The following CDC20B variants were observed in gnomAD, a reference collection of about 807,000 sequenced individuals.
The protein encoded by CDC20B is cell division cycle protein 20 homolog B.
CDC20B carries 58 observed loss-of-function variants against 64.1 expected under a neutral mutation model. The observed-to-expected ratio is 0.90, with a 90% CI of 0.73 to 1.13. The LOEUF is 1.13. CDC20B is among the 50% of genes most tolerant of loss of function. The pLI is 0.00. For missense variants in CDC20B, 597 were observed against 633.0 expected (o/e 0.94, Z 0.61); for synonymous variants, 243 against 230.6 (o/e 1.05, Z -0.49).
In CDC20B at chr5:55,172,066, C is replaced by T. The variant is rs554823167; in HGVS notation, c.126+522G>A. ...GCAGATGAAGGCTCTTTATGAAACACGTTTATAAAACCATTTAAATTTGTT... is the reference window on the plus strand; with the variant it reads ...GCAGATGAAGGCTCTTTATGAAACATGTTTATAAAACCATTTAAATTTGTT... On this transcript the variant is annotated intron_variant, in intron 2 of 11. Transcript: ENST00000381375. 2.6e-4 allele frequency among the ~76,000 whole-genome samples: 40 copies of T among 152,274 alleles called. No individual in the cohort carries two copies. In the Middle Eastern group the frequency reaches 0.01, roughly 39 times the overall value.
chr5:55,115,395 G>A (rs1742598574), intron 11 of CDC20B, among the ~76,000 whole-genome samples: 1 of 152,174 alleles, frequency 6.6e-6, no homozygotes, highest in Non-Finnish European at 1.5e-5. Flanking sequence ...AAATGTTTCG[G>A]AGATGAGGCA....
In CDC20B at chr5:55,143,656, C is replaced by T. The variant is rs762396033; in HGVS notation, c.356-13G>A. 1.9e-6 allele frequency: 3 copies of T among 1,561,324 alleles called. No individual in the cohort carries two copies. The highest frequency in any genetic ancestry group is 4.1e-5 in the Admixed American group (2 of 48,886). On this transcript the variant is annotated splice_polypyrimidine_tract_variant and intron_variant, in intron 3 of 11. Coordinates refer to ENST00000381375, the MANE Select transcript of CDC20B (RefSeq NM_001170402.1). ...TCTTTGCGGGATCCTACAAGAAAGA[C>T]ATTTATCTTTGAATTTGGTTTTTAA...
intron 11 of CDC20B, among the ~76,000 whole-genome samples, chr5:55,115,481 T>C (rs944127914): frequency 6.6e-6 from 1 of 152,228 alleles, no homozygotes; most frequent in Non-Finnish European, 1.5e-5. Flanking sequence ...CTAGTGCTCC[T>C]TGGAAAATGC....
At chr5:55,170,480 A>G (rs2111617553) in intron 2 of CDC20B, 3 of 525,856 alleles carry the variant, frequency 5.7e-6, no homozygotes, top group South Asian at 1.4e-5. Context: ...CATAGCAGAA[A>G]GTACACATAA....
intron 2 of CDC20B, chr5:55,166,213 C>T (rs1312368267): frequency 6.6e-6 from 1 of 152,360 alleles, no homozygotes; most frequent in East Asian, 1.9e-4. Flanking sequence ...AGAGACTCCC[C>T]ACTGCCAGAT....
In CDC20B at chr5:55,114,438, C is replaced by T; in HGVS notation, c.1460-120G>A. On this transcript the variant is annotated intron_variant, in intron 11 of 11. Coordinates refer to ENST00000381375, the MANE Select transcript of CDC20B (RefSeq NM_001170402.1). The surrounding 1 kb of genome is among the most constrained non-coding windows in gnomAD (Gnocchi z 4.1). ...TCCCAGGATAAAGGGCTTTCCCACA[C>T]CCACCAGGTTCAGAGCTGCCACCAA... 1 of 1,467,608 alleles carries T rather than the reference C, an allele frequency of 6.8e-7. No individual in the cohort carries two copies. Among genetic ancestry groups the T allele is most frequent in the Non-Finnish European group, 9.0e-7 (1 of 1,106,770 alleles). 90.9% of individuals were successfully genotyped at this position (1,467,608 alleles called of 1,614,324 possible).
At chr5:55,165,031 G>A (rs1182382955) in intron 2 of CDC20B, 1 of 152,076 alleles carries the variant, frequency 6.6e-6, no homozygotes, top group African/African-American at 2.4e-5. Context: ...TAGAAAAAAG[G>A]ACATGAGTAT....
intron 4 of CDC20B, among the ~76,000 whole-genome samples, chr5:55,142,903 A>G (rs765260206): frequency 2.6e-5 from 4 of 152,226 alleles, no homozygotes; most frequent in Admixed American, 6.5e-5. Flanking sequence ...TGAAATATGG[A>G]TTCCTTCAAA....
chr5:55,151,388 C>T (rs1743664226), intron 2 of CDC20B, among the ~76,000 whole-genome samples: 1 of 152,164 alleles, frequency 6.6e-6, no homozygotes, highest in Non-Finnish European at 1.5e-5. Context: ...CCCTTACCCT[C>T]ACAGGTACCA....
intron 2 of CDC20B, among the ~76,000 whole-genome samples, chr5:55,149,788 G>A (rs748625091): frequency 5.3e-5 from 8 of 152,182 alleles, no homozygotes; most frequent in Admixed American, 2.0e-4. Context: ...GAGAGAAGTG[G>A]TGGTTCCAGA....
intron 11 of CDC20B, among the ~76,000 whole-genome samples, chr5:55,118,891 G>A (rs906942210): frequency 6.6e-6 from 1 of 152,120 alleles, no homozygotes; most frequent in African/African-American, 2.4e-5. Context: ...AGAGAGTCAT[G>A]GTATTATCAC....
chr5:55,126,008 A>C (rs984436668), intron 8 of CDC20B, among the ~76,000 whole-genome samples: 3 of 152,248 alleles, frequency 2.0e-5, no homozygotes, highest in Non-Finnish European at 4.4e-5. Context: ...GAGTAGTCTG[A>C]AAATGTTAGC....
At chr5:55,144,899 T>C (rs1743429170) in intron 3 of CDC20B, among the ~76,000 whole-genome samples, 1 of 152,170 alleles carries the variant, frequency 6.6e-6, no homozygotes, top group Admixed American at 6.5e-5. Flanking sequence ...TCTGCTCTTC[T>C]AAAACAAAAA....
chr5:55,164,286 T>G (rs1744260606), intron 2 of CDC20B: 7 of 1,242,722 alleles, frequency 5.6e-6, no homozygotes, highest in Admixed American at 5.5e-5. Context: ...TTTTAAACAT[T>G]TTTTTTTTGG....
intron 2 of CDC20B, among the ~76,000 whole-genome samples, chr5:55,148,271 G>A (rs1486787985): frequency 6.6e-6 from 1 of 152,160 alleles, no homozygotes; most frequent in Non-Finnish European, 1.5e-5. Flanking sequence ...GACAATCCCT[G>A]GTGTTGAAGG....
intron 9 of CDC20B, among the ~76,000 whole-genome samples, chr5:55,121,087 A>C (rs1742743253): frequency 6.6e-6 from 1 of 152,184 alleles, no homozygotes; most frequent in Admixed American, 6.5e-5. Flanking sequence ...AATTATAGTT[A>C]ATTCTAAAAA....
chr5:55,168,037 G>A (rs934896713), intron 2 of CDC20B, among the ~76,000 whole-genome samples: 4 of 151,924 alleles, frequency 2.6e-5, no homozygotes, highest in Admixed American at 1.3e-4. Context: ...ACATGTTTGG[G>A]TGGAGCTGAT....
chr5:55,124,921 T>G lies in CDC20B; in HGVS notation c.1097A>C (p.Asp366Ala). The G allele has an allele frequency of 6.2e-7, 1 of 1,614,200 alleles. No homozygotes were observed. Among genetic ancestry groups the G allele is most frequent in the Non-Finnish European group, 8.5e-7 (1 of 1,180,026 alleles). ...GCAGCCGCTGGAAAGCAGCCTGCCATCCGGTGACCACTTCAGAGCACACAC... is the reference window on the plus strand; with the variant it reads ...GCAGCCGCTGGAAAGCAGCCTGCCAGCCGGTGACCACTTCAGAGCACACAC... ...QAVCALKWSPDGRLLSSGCSD... is the reference protein window; with the variant it reads ...QAVCALKWSPAGRLLSSGCSD... The change falls in exon 9 of 12, where the codon GAT becomes GCT. Residue 366 changes from aspartate (D) to alanine (A), a missense_variant. This residue lies in a region of CDC20B where 353 missense variants were observed against 397.0 expected (regional missense o/e 0.89). Coordinates refer to ENST00000381375, the MANE Select transcript of CDC20B (RefSeq NM_001170402.1).
intron 5 of CDC20B, chr5:55,136,678 G>A (rs1229755072): frequency 6.6e-6 from 1 of 152,064 alleles, no homozygotes; most frequent in Non-Finnish European, 1.5e-5. Flanking sequence ...CCATGGATAT[G>A]CTTACCAGAA....
Sources: allele counts gnomAD v4.1 joint callset (sites outside exome capture counted in the v4.1 genomes callset), GRCh38; gene constraint gnomAD v4.1.1; regional missense constraint gnomAD v4.1.1; non-coding constraint Gnocchi (gnomAD v3.1); transcripts MANE v1.5; gene names NCBI Gene and HGNC (gene_info 2026-07-23, HGNC 2026-07-21).